KCTD16: variants seen among roughly 807,000 people sequenced by gnomAD.
The protein encoded by KCTD16 is BTB/POZ domain-containing protein KCTD16.
A neutral mutation model predicts 33.2 loss-of-function variants in KCTD16; 13 were observed. That is an observed-to-expected ratio of 0.39 (90% CI 0.25 to 0.62). The LOEUF is 0.62. KCTD16 is among the 20% of genes least tolerant of loss of function. The pLI is 0.50. For missense variants in KCTD16, 441 were observed against 525.1 expected (o/e 0.84, Z 1.57); for synonymous variants, 197 against 195.3 (o/e 1.01, Z -0.07).
intron 3 of KCTD16, among the ~76,000 whole-genome samples, chr5:144,296,102 T>G (rs1756026717): frequency 6.6e-6 from 1 of 152,226 alleles, no homozygotes; most frequent in African/African-American, 2.4e-5. Flanking sequence ...CTCTGCTTTC[T>G]GCTATTGCAT....
At chr5:144,361,419 C>T (rs1751710386) in intron 3 of KCTD16, among the ~76,000 whole-genome samples, 1 of 152,152 alleles carries the variant, frequency 6.6e-6, no homozygotes, top group South Asian at 2.1e-4. Context: ...ATAACAACCC[C>T]TTTCACTCTC....
At chr5:144,393,094 A>T (rs1752486992) in intron 3 of KCTD16, among the ~76,000 whole-genome samples, 2 of 152,316 alleles carry the variant, frequency 1.3e-5, no homozygotes, top group South Asian at 4.1e-4. Flanking sequence ...TGATAGTATA[A>T]TTTTTAACCA....
At chr5:144,244,414 G>T (rs906335890) in intron 3 of KCTD16, among the ~76,000 whole-genome samples, 2 of 152,158 alleles carry the variant, frequency 1.3e-5, no homozygotes, top group Admixed American at 1.3e-4. Flanking sequence ...AATAGAGATA[G>T]GAAAGTCTAT....
At chr5:144,213,808 G>C (rs1753476251) in intron 3 of KCTD16, among the ~76,000 whole-genome samples, 2 of 152,140 alleles carry the variant, frequency 1.3e-5, no homozygotes, top group Non-Finnish European at 2.9e-5. Context: ...TGATTCTGAT[G>C]ACAAAGCAGG....
chr5:144,386,977 C>CT (rs34176085), intron 3 of KCTD16, among the ~76,000 whole-genome samples: 34 of 146,426 alleles, frequency 2.3e-4, no homozygotes, highest in South Asian at 4.4e-4. Flanking sequence ...TTACAAAGCA[C>CT]TTTTTTTTTT....
At chr5:144,366,376 C>T (rs78487518) in intron 3 of KCTD16, among the ~76,000 whole-genome samples, 1,901 of 152,308 alleles carry the variant, frequency 0.012, 32 homozygotes, top group African/African-American at 0.043. Context: ...TTGCACCATA[C>T]ATTACATATG....
At chr5:144,386,134 G>A (rs938573953) in intron 3 of KCTD16, among the ~76,000 whole-genome samples, 3 of 152,172 alleles carry the variant, frequency 2.0e-5, no homozygotes, top group Non-Finnish European at 4.4e-5. Context: ...TAAGTTAAGA[G>A]CAAGGCAAAT....
chr5:144,344,511 A>G (rs918879240), intron 3 of KCTD16, among the ~76,000 whole-genome samples: 5 of 152,108 alleles, frequency 3.3e-5, no homozygotes, highest in Admixed American at 3.3e-4. Context: ...TTTACAAGAA[A>G]AAAACAAACA....
At chr5:144,349,586 C>T (rs957536693) in intron 3 of KCTD16, among the ~76,000 whole-genome samples, 2 of 152,268 alleles carry the variant, frequency 1.3e-5, no homozygotes, top group Non-Finnish European at 2.9e-5. Flanking sequence ...TGGATCTTCT[C>T]GCCTCTTTGA....
chr5:144,231,403 A>G (rs566808045), intron 3 of KCTD16, among the ~76,000 whole-genome samples: 1 of 152,266 alleles, frequency 6.6e-6, no homozygotes, highest in Admixed American at 6.5e-5. Context: ...ATTCTAGTGG[A>G]GCATATAGAT....
At chr5:144,195,566 A>G (rs1018275135) in intron 2 of KCTD16, among the ~76,000 whole-genome samples, 8 of 152,214 alleles carry the variant, frequency 5.3e-5, no homozygotes, top group African/African-American at 1.9e-4. Flanking sequence ...ATGGAGAGGG[A>G]AGGGCCACTC....
chr5:144,300,689 A>G (rs572573483), intron 3 of KCTD16, among the ~76,000 whole-genome samples: 2 of 152,356 alleles, frequency 1.3e-5, no homozygotes, highest in East Asian at 3.9e-4. Flanking sequence ...ATTGAAGAGT[A>G]CGGCCATATA....
intron 3 of KCTD16, among the ~76,000 whole-genome samples, chr5:144,220,940 C>CAAAA (rs748978902): frequency 1.0e-5 from 1 of 99,602 alleles, no homozygotes; most frequent in African/African-American, 3.7e-5. Flanking sequence ...GACTACGTCT[C>CAAAA]AAAAAAAAAA....
chr5:144,453,417 C>G (rs1021860321), intron 3 of KCTD16, among the ~76,000 whole-genome samples: 4 of 152,158 alleles, frequency 2.6e-5, no homozygotes, highest in African/African-American at 4.8e-5. Flanking sequence ...TCAGTGTCTC[C>G]TTAACACTTT....
At chr5:144,375,367 CAT>C (rs1196683005) in intron 3 of KCTD16, among the ~76,000 whole-genome samples, 1 of 152,184 alleles carries the variant, frequency 6.6e-6, no homozygotes, top group Non-Finnish European at 1.5e-5. Context: ...AGCCTATAAT[CAT>C]ACATATCTCT....
In KCTD16 at chr5:144,346,468, C is replaced by T. The variant is rs1752803565; in HGVS notation, c.833-127192C>T. ...AAAGTGGCTGTGCTCATTTACATTC[C>T]TACCAACAGTGTACACCGAAGATTC... On this transcript the variant is annotated intron_variant, in intron 3 of 3. Coordinates refer to ENST00000512467, the MANE Select transcript of KCTD16 (RefSeq NM_020768.4). 1.3e-5 allele frequency among the ~76,000 whole-genome samples: 2 copies of T among 152,110 alleles called. 1 individual carries two copies. Among genetic ancestry groups the T allele is most frequent in the Non-Finnish European group, 2.9e-5 (2 of 68,020 alleles).
intron 3 of KCTD16, among the ~76,000 whole-genome samples, chr5:144,229,950 T>C (rs1754051379): frequency 6.6e-6 from 1 of 152,114 alleles, no homozygotes; most frequent in African/African-American, 2.4e-5. Context: ...GAAACCAGCG[T>C]GGCCAACATG....
intron 3 of KCTD16, among the ~76,000 whole-genome samples, chr5:144,344,970 G>A (rs995563932): frequency 2.6e-5 from 4 of 151,216 alleles, no homozygotes; most frequent in African/African-American, 9.7e-5. Context: ...GTCCAACAAT[G>A]ATAGACTGGA....
Position 144,365,251 on chromosome 5 carries a change from T to G in KCTD16, c.833-108409T>G, listed in dbSNP as rs184866851. ...ATATTCTGATTTGCCATAGCTAATA[T>G]TTTATTTTGTACTGGAGTGGGTTTG... is the stretch of plus-strand genomic sequence containing the variant. On this transcript the variant is annotated intron_variant, in intron 3 of 3. Coordinates refer to ENST00000512467, the MANE Select transcript of KCTD16 (RefSeq NM_020768.4). Among the ~76,000 whole-genome samples, 18 of 152,284 alleles carry G rather than the reference T, an allele frequency of 1.2e-4. No homozygotes were observed. In the East Asian group the frequency reaches 3.1e-3, roughly 26 times the overall value.
Sources: gnomAD v4.1 joint callset for allele counts (sites outside exome capture counted in the v4.1 genomes callset) on GRCh38, gnomAD v4.1.1 for gene constraint, MANE v1.5 for transcripts, NCBI Gene and HGNC (gene_info 2026-07-23, HGNC 2026-07-21) for gene names.